Variants in IL1RAPL1 observed in about 807,000 individuals in gnomAD.
The protein encoded by IL1RAPL1 is interleukin 1 receptor accessory protein like 1.
Under a neutral mutation model 48.4 loss-of-function variants are expected in IL1RAPL1, and 3 were observed. The ratio of observed to expected loss-of-function variants is 0.06; its 90% confidence interval spans 0.03 to 0.16. The LOEUF (loss-of-function observed/expected upper bound fraction) is 0.16. Among genes scored for constraint, IL1RAPL1 ranks in the 10% least tolerant of loss-of-function variants. The probability of loss-of-function intolerance (pLI) is 1.00; values close to 1 mark genes in which losing one functional copy is unlikely to be tolerated. For synonymous variants in IL1RAPL1, 185 were observed against 187.7 expected (o/e 0.99, Z 0.12); for missense variants, 349 against 530.6 (o/e 0.66, Z 3.36).
intron 1 of IL1RAPL1, among the ~76,000 whole-genome samples, chrX:28,670,688 T>A (rs1347313737): frequency 8.9e-6 from 1 of 112,246 alleles, no homozygotes; most frequent in East Asian, 2.8e-4. Context: ...AACAACTTCC[T>A]TATAAGAAAC....
chrX:28,848,123 A>G (rs2147295360), intron 2 of IL1RAPL1, among the ~76,000 whole-genome samples: 1 of 110,888 alleles, frequency 9.0e-6, no homozygotes, highest in East Asian at 2.9e-4. Context: ...ATGAGAACAC[A>G]TGGACACAGG....
intron 1 of IL1RAPL1, among the ~76,000 whole-genome samples, chrX:28,660,882 A>T (rs1292516383): frequency 8.9e-6 from 1 of 112,108 alleles, no homozygotes; most frequent in Non-Finnish European, 1.9e-5. Context: ...AGTTTTGGCA[A>T]GAGGAGGTTG....
At chrX:29,588,409 G>A (rs929554974) in intron 5 of IL1RAPL1, among the ~76,000 whole-genome samples, 2 of 112,130 alleles carry the variant, frequency 1.8e-5, no homozygotes, top group Non-Finnish European at 3.8e-5. Flanking sequence ...ACCTCAAATT[G>A]ATAGAAGCTA....
At chrX:29,906,111 T>C (rs1310561054) in intron 6 of IL1RAPL1, among the ~76,000 whole-genome samples, 2 of 108,829 alleles carry the variant, frequency 1.8e-5, no homozygotes, top group Non-Finnish European at 3.8e-5. Flanking sequence ...CCGAGGCAGG[T>C]GGATCACGAG....
intron 5 of IL1RAPL1, among the ~76,000 whole-genome samples, chrX:29,443,047 A>G (rs1002419317): frequency 9.0e-6 from 1 of 110,989 alleles, no homozygotes; most frequent in African/African-American, 3.3e-5. Flanking sequence ...GTACAGAGCA[A>G]TCCCCACCAT....
intron 2 of IL1RAPL1, among the ~76,000 whole-genome samples, chrX:29,016,106 G>C (rs66968999): frequency 0.042 from 4,716 of 111,255 alleles, 101 homozygotes; most frequent in African/African-American, 0.063. Context: ...TCTGTTGCTA[G>C]GAAGATCAAA....
rs1555915423 is a variant in IL1RAPL1, at chrX:28,704,831, C to CCAAAAAA, written c.-24-84489_-24-84488insCAAAAAA. Among the ~76,000 whole-genome samples the CCAAAAAA allele has an allele frequency of 1.1e-3, 32 of 29,648 alleles. 2 individuals carry two copies. Among genetic ancestry groups the CCAAAAAA allele is most frequent in the African/African-American group, 4.6e-3 (29 of 6,365 alleles). 25.7% of individuals were successfully genotyped at this position (29,648 alleles called of 115,157 possible). Reference sequence around the variant, plus strand: ...ACACACACACACACACACACACACACAAAAAAAAAAAAAAAAAACTGTGAC... The same window carrying CCAAAAAA: ...ACACACACACACACACACACACACACCAAAAAAAAAAAAAAAAAAAAAAAACTGTGAC... On this transcript the variant is annotated intron_variant, in intron 1 of 10. Transcript: ENST00000378993.
chrX:28,778,831 A>G (rs982333027), intron 1 of IL1RAPL1, among the ~76,000 whole-genome samples: 1 of 111,831 alleles, frequency 8.9e-6, no homozygotes, highest in Non-Finnish European at 1.9e-5. Flanking sequence ...AGTTATCAGC[A>G]TAGCCCTGTT....
intron 6 of IL1RAPL1, among the ~76,000 whole-genome samples, chrX:29,750,558 C>T (rs999745242): frequency 2.7e-5 from 3 of 111,799 alleles, no homozygotes; most frequent in African/African-American, 9.7e-5. Context: ...ATTTTTTGAA[C>T]TTGCAAAGGA....
At chrX:29,827,577 GGTGTT>G (rs1429179480) in intron 6 of IL1RAPL1, among the ~76,000 whole-genome samples, 2 of 111,718 alleles carry the variant, frequency 1.8e-5, no homozygotes, top group African/African-American at 3.3e-5. Context: ...TCTCTGATGA[GGTGTT>G]GTTTGATCAG....
intron 3 of IL1RAPL1, among the ~76,000 whole-genome samples, chrX:29,371,807 G>A (rs1452509612): frequency 8.9e-6 from 1 of 112,311 alleles, no homozygotes; most frequent in Non-Finnish European, 1.9e-5. Flanking sequence ...ATTCTGTGGT[G>A]CATATGTACC....
At chrX:29,380,493 C>T (rs903744807) in intron 3 of IL1RAPL1, among the ~76,000 whole-genome samples, 3 of 112,053 alleles carry the variant, frequency 2.7e-5, no homozygotes, top group Non-Finnish European at 5.6e-5. Context: ...TCCCAAAGTG[C>T]TGGGATTACA....
chrX:29,634,671 A>G (rs745842300), intron 5 of IL1RAPL1, among the ~76,000 whole-genome samples: 6 of 111,217 alleles, frequency 5.4e-5, no homozygotes, highest in African/African-American at 2.0e-4. Context: ...GAAAATATCA[A>G]AACTTCCCTG....
chrX:29,663,771 G>T (rs1442055977), intron 5 of IL1RAPL1, among the ~76,000 whole-genome samples: 1 of 111,859 alleles, frequency 8.9e-6, no homozygotes, highest in African/African-American at 3.3e-5. Context: ...TGATCCTTTG[G>T]TTGGATGTCC....
chrX:29,896,654 A>T (rs1347344041), intron 6 of IL1RAPL1, among the ~76,000 whole-genome samples: 3 of 112,211 alleles, frequency 2.7e-5, no homozygotes, highest in Non-Finnish European at 5.6e-5. Flanking sequence ...TTCCACTAGG[A>T]TAGACTGAAA....
At chrX:29,527,051 A>G (rs1306439811) in intron 5 of IL1RAPL1, among the ~76,000 whole-genome samples, 3 of 111,895 alleles carry the variant, frequency 2.7e-5, no homozygotes, top group African/African-American at 6.5e-5. Flanking sequence ...ACATGAATGG[A>G]CAGACCAATG....
intron 2 of IL1RAPL1, among the ~76,000 whole-genome samples, chrX:28,867,109 T>C (rs1242012764): frequency 9.0e-6 from 1 of 111,296 alleles, no homozygotes; most frequent in Non-Finnish European, 1.9e-5. Context: ...GAAAATGACC[T>C]GCAAAATCTG....
intron 6 of IL1RAPL1, among the ~76,000 whole-genome samples, chrX:29,877,180 A>G (rs917519993): frequency 8.9e-6 from 1 of 111,945 alleles, no homozygotes; most frequent in Non-Finnish European, 1.9e-5. Context: ...CTCCCCTGTA[A>G]ATCTCCATTA....
chrX:28,984,232 TTTTAA>T (rs1269866265), intron 2 of IL1RAPL1, among the ~76,000 whole-genome samples: 1 of 111,820 alleles, frequency 8.9e-6, no homozygotes, highest in Admixed American at 9.5e-5. Flanking sequence ...ATAAATTTTA[TTTTAA>T]TTAAATTATA....
Sources: gnomAD v4.1 joint callset for allele counts (sites outside exome capture counted in the v4.1 genomes callset) on GRCh38, gnomAD v4.1.1 for gene constraint, MANE v1.5 for transcripts, NCBI Gene and HGNC (gene_info 2026-07-23, HGNC 2026-07-21) for gene names.